Variants in PTPRD observed in about 807,000 individuals in gnomAD.
The protein encoded by PTPRD is receptor-type tyrosine-protein phosphatase delta.
PTPRD carries 34 observed loss-of-function variants against 214.5 expected under a neutral mutation model. The ratio of observed to expected loss-of-function variants is 0.16; its 90% CI spans 0.12 to 0.21. The LOEUF is 0.21. PTPRD is among the 10% of genes least tolerant of loss of function. PTPRD has a pLI of 1.00. For missense variants in PTPRD, 2,545 were observed against 2,398.7 expected (o/e 1.06, Z -1.27); for synonymous variants, 1,128 against 845.7 (o/e 1.33, Z -5.79).
In PTPRD at chr9:10,458,974, C is replaced by T. The variant is rs567837893; in HGVS notation, c.-599-117957G>A. 7.9e-5 allele frequency among the ~76,000 whole-genome samples: 12 copies of T among 152,164 alleles called. No individual in the cohort carries two copies. In the East Asian group the frequency reaches 1.7e-3, roughly 22 times the overall value. Reference sequence around the variant, plus strand: ...TGGAGGTTTGTTACATAGTTACACACGTTCCGTGGTGGTTTGCTGCACCTA... The same window carrying T: ...TGGAGGTTTGTTACATAGTTACACATGTTCCGTGGTGGTTTGCTGCACCTA... On this transcript the variant is annotated intron_variant, in intron 2 of 45. Coordinates refer to ENST00000381196, the MANE Select transcript of PTPRD (RefSeq NM_002839.4).
At chr9:8,527,966 C>G (rs1047191581) in intron 15 of PTPRD, among the ~76,000 whole-genome samples, 1 of 152,096 alleles carries the variant, frequency 6.6e-6, no homozygotes, top group Admixed American at 6.6e-5. Flanking sequence ...AAAATCCCCT[C>G]CTTTTACTGG....
intron 12 of PTPRD, among the ~76,000 whole-genome samples, chr9:8,644,420 G>A (rs1003240929): frequency 1.3e-5 from 2 of 152,136 alleles, no homozygotes; most frequent in African/African-American, 4.8e-5. Flanking sequence ...ATTCTTCCTG[G>A]TCACAGGACA....
intron 12 of PTPRD, chr9:8,700,693 G>A (rs2098058423): frequency 1.3e-5 from 2 of 152,202 alleles, no homozygotes; most frequent in Non-Finnish European, 2.9e-5. Flanking sequence ...TCACTAAGCA[G>A]TGAACAAATC....
chr9:10,400,067 G>C (rs1483469531), intron 2 of PTPRD, among the ~76,000 whole-genome samples: 2 of 151,772 alleles, frequency 1.3e-5, no homozygotes, highest in Non-Finnish European at 2.9e-5. Flanking sequence ...CTATTTTATA[G>C]AGCATAACTC....
intron 36 of PTPRD, among the ~76,000 whole-genome samples, chr9:8,394,564 G>T (rs1032244398): frequency 1.4e-4 from 22 of 152,122 alleles, no homozygotes; most frequent in Non-Finnish European, 2.6e-4. Context: ...TACTCAACTT[G>T]CCCAGAACTG....
At chr9:8,653,254 T>C (rs1196032829) in intron 12 of PTPRD, among the ~76,000 whole-genome samples, 2 of 152,136 alleles carry the variant, frequency 1.3e-5, no homozygotes, top group African/African-American at 4.8e-5. Context: ...ATTCGCTACA[T>C]AAATGGCCTC....
chr9:8,573,408 C>G (rs1408205344), intron 14 of PTPRD, among the ~76,000 whole-genome samples: 1 of 151,866 alleles, frequency 6.6e-6, no homozygotes, highest in Non-Finnish European at 1.5e-5. Flanking sequence ...AGAATGAAGA[C>G]AGACTTAAAT....
chr9:10,145,269 G>GTT (rs545607385), intron 3 of PTPRD, among the ~76,000 whole-genome samples: 161 of 151,234 alleles, frequency 1.1e-3, no homozygotes, highest in African/African-American at 3.7e-3. Flanking sequence ...GCTTGCATGT[G>GTT]TTTGTTTGTA....
intron 8 of PTPRD, among the ~76,000 whole-genome samples, chr9:9,498,947 G>A (rs187326711): frequency 8.6e-5 from 13 of 151,380 alleles, no homozygotes; most frequent in Admixed American, 1.3e-4. Flanking sequence ...TTCTCTCTCT[G>A]TCTCTCTCTC....
intron 39 of PTPRD, among the ~76,000 whole-genome samples, chr9:8,349,241 T>A (rs533833640): frequency 6.6e-6 from 1 of 152,060 alleles, no homozygotes; most frequent in South Asian, 2.1e-4. Context: ...TGCTGAGAAA[T>A]AACAAACCTC....
intron 11 of PTPRD, among the ~76,000 whole-genome samples, chr9:8,965,913 G>A (rs935261838): frequency 2.6e-5 from 4 of 152,076 alleles, no homozygotes; most frequent in African/African-American, 4.8e-5. Flanking sequence ...AAAAGACTAT[G>A]AGAACTGATA....
At position 8,460,524 on chromosome 9, in the gene PTPRD, A is replaced by T. The variant is rs2134155156; in HGVS notation, c.3762T>A (p.Asp1254Glu). Reference sequence around the variant, plus strand: ...CATCCGTGATTGGCTGCGGATCCAGATCCATTGACACCACGGGGTCGGAGT... The same window carrying T: ...CATCCGTGATTGGCTGCGGATCCAGTTCCATTGACACCACGGGGTCGGAGT... ...SPYSDPVVSMDLDPQPITDEE... is the reference protein window; with the variant it reads ...SPYSDPVVSMELDPQPITDEE... The change falls in exon 33 of 46, where the codon GAT becomes GAA. Residue 1254 changes from aspartate (D) to glutamate (E), a missense_variant. Physicochemically the swap from Asp to Glu is conservative, Grantham distance 45. Coordinates refer to ENST00000381196, the MANE Select transcript of PTPRD (RefSeq NM_002839.4). 1.2e-6 allele frequency: 2 copies of T among 1,613,520 alleles called. No homozygotes were observed. The highest frequency in any genetic ancestry group is 1.7e-6 in the Non-Finnish European group (2 of 1,179,628).
intron 31 of PTPRD, among the ~76,000 whole-genome samples, chr9:8,470,479 T>C (rs907865851): frequency 1.3e-5 from 2 of 152,156 alleles, no homozygotes; most frequent in Non-Finnish European, 2.9e-5. Flanking sequence ...TATAGTTAAA[T>C]GCATTTTTGA....
intron 2 of PTPRD, among the ~76,000 whole-genome samples, chr9:10,401,746 T>C (rs1008538250): frequency 1.5e-4 from 23 of 150,724 alleles, no homozygotes; most frequent in African/African-American, 5.6e-4. Context: ...TTCCTTTGTA[T>C]GATTACAATG....
rs191854018 is a variant in PTPRD, at chr9:8,554,749, G to A, written c.353-25970C>T. Among the ~76,000 whole-genome samples the A allele has an allele frequency of 5.3e-5, 8 of 152,280 alleles. No individual in the cohort carries two copies. The East Asian group carries it at 1.5e-3, about 29-fold the overall frequency. The stretch of plus-strand genomic sequence containing the variant: ...CCAACACGTTTGTTTATTTTGACCT[G>A]TTGGTCCAAGCACTGTAGAGCTGTC... On this transcript the variant is annotated intron_variant, in intron 14 of 45. Transcript: ENST00000381196.
intron 11 of PTPRD, among the ~76,000 whole-genome samples, chr9:8,986,951 G>A (rs2099347833): frequency 1.3e-5 from 2 of 151,956 alleles, no homozygotes; most frequent in South Asian, 2.1e-4. Context: ...TTTTATGTGT[G>A]TATTACATAT....
chr9:9,777,129 C>T (rs979390002), intron 5 of PTPRD, among the ~76,000 whole-genome samples: 7 of 152,130 alleles, frequency 4.6e-5, no homozygotes, highest in African/African-American at 7.2e-5. Flanking sequence ...AGTAAGAACA[C>T]TGGAAAGTAA....
chr9:9,663,992 T>C (rs566895244), intron 7 of PTPRD, among the ~76,000 whole-genome samples: 2 of 150,974 alleles, frequency 1.3e-5, no homozygotes, highest in African/African-American at 2.4e-5. Flanking sequence ...GAAGGAGAAC[T>C]TATGTTTTAA....
At chr9:10,545,142 T>C (rs2059925249) in intron 2 of PTPRD, among the ~76,000 whole-genome samples, 2 of 152,280 alleles carry the variant, frequency 1.3e-5, no homozygotes, top group Non-Finnish European at 2.9e-5. Context: ...CACAAGGGTG[T>C]GGTTTCTATG....
Sources: gnomAD v4.1 joint callset for allele counts (sites outside exome capture counted in the v4.1 genomes callset) on GRCh38, gnomAD v4.1.1 for gene constraint, MANE v1.5 for transcripts, NCBI Gene and HGNC (gene_info 2026-07-23, HGNC 2026-07-21) for gene names.